The following RGS12 variants were observed in gnomAD, a reference collection of about 807,000 sequenced individuals.
RGS12 encodes the protein regulator of G-protein signaling 12.
Under a neutral mutation model 120.1 loss-of-function variants are expected in RGS12, and 66 were observed. The observed-to-expected ratio is 0.55, with a 90% CI of 0.45 to 0.67. The LOEUF (loss-of-function observed/expected upper bound fraction) is 0.67, where lower values mean the gene tolerates loss of function less well. RGS12 is among the 30% of genes least tolerant of loss of function. The pLI is 0.00. For synonymous variants in RGS12, 827 were observed against 804.7 expected (o/e 1.03, Z -0.47); for missense variants, 1,859 against 1,957.7 (o/e 0.95, Z 0.95).
chr4:3,384,602 G>T (rs1388337540), intron 3 of RGS12, among the ~76,000 whole-genome samples: 1 of 152,246 alleles, frequency 6.6e-6, no homozygotes, highest in African/African-American at 2.4e-5. Context: ...GCGGCTGAGG[G>T]CCAAGGGCCA....
rs148075391 is a variant in RGS12 at position 3,356,576 on chromosome 4, A to G, written c.1998+13523A>G. ...CCTGGCAGCCACCATTCTACTTTCT[A>G]TCTCTATGATTTGGACTATTCTAGG... On this transcript the variant is annotated intron_variant, in intron 3 of 17. Transcript: ENST00000336727. Among the ~76,000 whole-genome samples, 260 of 133,880 alleles carry G rather than the reference A, an allele frequency of 1.9e-3. 3 individuals carry two copies. The East Asian group carries it at 0.025, about 13-fold the overall frequency. 87.8% of individuals were successfully genotyped at this position (133,880 alleles called of 152,430 possible).
chr4:3,428,565 A>G lies in RGS12; in HGVS notation c.3419A>G (p.Glu1140Gly). ...SSRNHSATGEERTLGKSNSIK... is the reference protein window; with the variant it reads ...SSRNHSATGEGRTLGKSNSIK... ...ACTTTCCTTCTAATGCAGGGAGAGG[A>G]AAGAACACTAGGCAAGTCTAATTCT... Residue 1140 changes from glutamate to glycine, a missense_variant, in exon 16 of 18, where the codon GAA becomes GGA. Physicochemically the swap from Glu to Gly is moderately conservative, Grantham distance 98. Around this residue, in one of 3 missense-constraint regions of RGS12, gnomAD observed 517 missense variants for 488.5 expected, o/e 1.06. Coordinates refer to ENST00000336727, the MANE Select transcript of RGS12 (RefSeq NM_001394154.1). 6.3e-7 allele frequency: 1 copy of G among 1,584,730 alleles called. No individual in the cohort carries two copies.
chr4:3,343,776 T>A (rs1713507013), intron 3 of RGS12, among the ~76,000 whole-genome samples: 2 of 152,160 alleles, frequency 1.3e-5, no homozygotes, highest in African/African-American at 4.8e-5. Context: ...CCCGTTGAAC[T>A]CTGACAACCA....
intron 3 of RGS12, among the ~76,000 whole-genome samples, chr4:3,353,991 G>A (rs1337544029): frequency 1.3e-5 from 2 of 152,142 alleles, no homozygotes; most frequent in East Asian, 3.8e-4. Context: ...GATGACACAT[G>A]CCTTGGTGTT....
chr4:3,290,667 C>T (rs927594814), upstream of RGS12, among the ~76,000 whole-genome samples: 4 of 152,236 alleles, frequency 2.6e-5, no homozygotes, highest in African/African-American at 4.8e-5. Flanking sequence ...GCCGCTGAGC[C>T]GCTGCCTGGC....
chr4:3,312,144 C>G (rs185200445), intron 1 of RGS12, among the ~76,000 whole-genome samples: 3 of 152,066 alleles, frequency 2.0e-5, no homozygotes, highest in Non-Finnish European at 1.5e-5. Context: ...CTGGTAGCCC[C>G]GATGGTGTAA....
chr4:3,287,640 A>G, the RGS12 span, among the ~76,000 whole-genome samples: 1 of 152,258 alleles, frequency 6.6e-6, no homozygotes, highest in Admixed American at 6.5e-5. Flanking sequence ...TTTGGTGACA[A>G]CGTCCCTAAT....
chr4:3,402,888 C>G (rs1222025942), intron 4 of RGS12, among the ~76,000 whole-genome samples: 1 of 152,196 alleles, frequency 6.6e-6, no homozygotes, highest in Non-Finnish European at 1.5e-5. Context: ...TAGGGTTGAT[C>G]TTTGAAAAAT....
intron 3 of RGS12, among the ~76,000 whole-genome samples, chr4:3,352,301 T>C (rs1714432386): frequency 6.6e-6 from 1 of 151,982 alleles, no homozygotes; most frequent in African/African-American, 2.4e-5. Flanking sequence ...AATGGGAGGC[T>C]TGGTTTGAGA....
chr4:3,335,626 A>G (rs1392521894), intron 2 of RGS12, among the ~76,000 whole-genome samples: 1 of 152,144 alleles, frequency 6.6e-6, no homozygotes, highest in Non-Finnish European at 1.5e-5. Flanking sequence ...TGCCCAGCTC[A>G]TTGCGCCAAC....
At chr4:3,391,914 C>T (rs1719546104) in intron 4 of RGS12, among the ~76,000 whole-genome samples, 3 of 152,166 alleles carry the variant, frequency 2.0e-5, no homozygotes, top group Admixed American at 2.0e-4. Flanking sequence ...ATAATCTGTG[C>T]ACTTTTCTGT....
At chr4:3,417,579 A>G (rs548568030) in intron 9 of RGS12, 38 bp downstream of exon 9, 35 of 1,600,744 alleles carry the variant, frequency 2.2e-5, no homozygotes, top group Non-Finnish European at 2.8e-5. Context: ...TGTCCAGGCC[A>G]GGCAGCCGCG....
At chr4:3,298,453 C>T (rs1165119695) in intron 1 of RGS12, among the ~76,000 whole-genome samples, 7 of 152,148 alleles carry the variant, frequency 4.6e-5, no homozygotes, top group Admixed American at 6.5e-5. Context: ...TGGGCTCAAG[C>T]GATCCCCCTG....
intron 13 of RGS12, among the ~76,000 whole-genome samples, chr4:3,424,022 G>T (rs1723336467): frequency 6.6e-6 from 1 of 152,250 alleles, no homozygotes; most frequent in Non-Finnish European, 1.5e-5. Context: ...TTGTGCTCAT[G>T]CCCCCAGTGC....
intron 17 of RGS12, among the ~76,000 whole-genome samples, chr4:3,437,577 C>T (rs1226366010): frequency 6.6e-6 from 1 of 152,174 alleles, no homozygotes; most frequent in African/African-American, 2.4e-5. Flanking sequence ...GCAGAACTGT[C>T]CCCTTGTCCC....
rs1412897593 is a variant in RGS12, at chr4:3,425,558, A to G, written c.3329A>G (p.Lys1110Arg). Residue 1110 changes from lysine (K) to arginine (R), a missense_variant and splice_region_variant, in exon 14 of 18, where the codon AAG (lysine) becomes AGG (arginine). Lys to Arg is a conservative substitution (Grantham distance 26). Around this residue, in one of 3 missense-constraint regions of RGS12, gnomAD observed 517 missense variants for 488.5 expected, o/e 1.06. Coordinates refer to ENST00000336727, the MANE Select transcript of RGS12 (RefSeq NM_001394154.1). Reference protein sequence around the residue: ...VLEEKDPSRGKASADKQKGVP... With the variant: ...VLEEKDPSRGRASADKQKGVP... Reference sequence around the variant, plus strand: ...GAGGAGAAGGATCCTTCCAGAGGAAAGGGTGAGTAGGGCTGGTGCAGCGGA... The same window carrying G: ...GAGGAGAAGGATCCTTCCAGAGGAAGGGGTGAGTAGGGCTGGTGCAGCGGA... The G allele has an allele frequency of 1.3e-6, 2 of 1,549,818 alleles. No individual in the cohort carries two copies. The highest frequency in any genetic ancestry group is 1.7e-6 in the Non-Finnish European group (2 of 1,143,184).
intron 1 of RGS12, among the ~76,000 whole-genome samples, chr4:3,307,602 T>G (rs76935004): frequency 0.019 from 2,855 of 152,336 alleles, 71 homozygotes; most frequent in African/African-American, 0.061. Context: ...CTTGGCACCC[T>G]TCCCTCCTCC....
intron 4 of RGS12, chr4:3,413,820 A>G (rs1722024331): frequency 1.9e-5 from 9 of 482,498 alleles, no homozygotes; most frequent in East Asian, 6.2e-5. Flanking sequence ...GCACATGTGA[A>G]CATGTGTGTG....
chr4:3,413,757 G>A (rs920332965), intron 4 of RGS12: 21 of 289,028 alleles, frequency 7.3e-5, no homozygotes, highest in African/African-American at 3.6e-4. Context: ...TTGCTTGGGC[G>A]AGTGTGCACG....
Sources: gnomAD v4.1 joint callset for allele counts (sites outside exome capture counted in the v4.1 genomes callset) on GRCh38, gnomAD v4.1.1 for gene constraint, gnomAD v4.1.1 regional missense constraint, MANE v1.5 for transcripts, NCBI Gene and HGNC (gene_info 2026-07-23, HGNC 2026-07-21) for gene names.